The following SFMBT2 variants were observed in gnomAD, a reference collection of about 807,000 sequenced individuals.
SFMBT2 encodes scm-like with four MBT domains protein 2.
In SFMBT2, 38 loss-of-function variants were observed where a neutral mutation model predicts 110.1. The ratio of observed to expected loss-of-function variants is 0.35; its 90% CI spans 0.27 to 0.45. The LOEUF is 0.45. SFMBT2 is among the 20% of genes least tolerant of loss of function. SFMBT2 has a pLI of 1.00. For synonymous variants in SFMBT2, 425 were observed against 425.4 expected (o/e 1.00, Z 0.01); for missense variants, 1,011 against 1,094.9 (o/e 0.92, Z 1.08).
At chr10:7,200,634 G>A in intron 13 of SFMBT2, 150 bp from the exon 14 acceptor site, 1 of 558,346 alleles carries the variant, frequency 1.8e-6, no homozygotes. Flanking sequence ...AGCAATGCCA[G>A]TAAGACCAGA....
rs896370862 is a variant in SFMBT2, at chr10:7,170,218, G to C, written c.2544+710C>G. On this transcript the variant is annotated intron_variant, in intron 20 of 20. Coordinates refer to ENST00000397167, the MANE Select transcript of SFMBT2 (RefSeq NM_001387889.1). The surrounding 1 kb of genome is among the most constrained non-coding windows in gnomAD (Gnocchi z 4.6). ...GAGCTCTCTGGTTGTTGTGGTTGCT[G>C]TTTGTGTGTGAGCTTCATGCCCCTG... is the stretch of plus-strand genomic sequence containing the variant. Among the ~76,000 whole-genome samples, 2 of 152,242 alleles carry C rather than the reference G, an allele frequency of 1.3e-5. No homozygotes were observed. Among genetic ancestry groups the C allele is most frequent in the Non-Finnish European group, 2.9e-5 (2 of 68,046 alleles).
chr10:7,164,477 A>G, intron 20 of SFMBT2: 1 of 983,100 alleles, frequency 1.0e-6, no homozygotes, highest in Non-Finnish European at 1.2e-6. Context: ...CCTGGTGGGT[A>G]GAAAGAGCTG....
At chr10:7,300,733 T>C (rs1842534423) in intron 4 of SFMBT2, among the ~76,000 whole-genome samples, 1 of 152,236 alleles carries the variant, frequency 6.6e-6, no homozygotes. Flanking sequence ...TGAGCAGAAA[T>C]CTAATAAACA....
chr10:7,369,516 G>A (rs1052533955), intron 3 of SFMBT2, among the ~76,000 whole-genome samples: 1 of 152,146 alleles, frequency 6.6e-6, no homozygotes, highest in African/African-American at 2.4e-5. Flanking sequence ...TGCTGGACAT[G>A]CTATTTGCAT....
intron 2 of SFMBT2, among the ~76,000 whole-genome samples, chr10:7,371,182 G>A (rs1287606481): frequency 1.3e-5 from 2 of 152,098 alleles, no homozygotes; most frequent in Admixed American, 6.5e-5. Context: ...GGAGTGCAGT[G>A]GTGCAATCTC....
chr10:7,356,501 CGCCTCCCGGGTTCAAGCAACTCTCCT>C (rs1379736269), intron 4 of SFMBT2, among the ~76,000 whole-genome samples: 1 of 152,172 alleles, frequency 6.6e-6, no homozygotes, highest in Non-Finnish European at 1.5e-5. Context: ...CTGCAACCTC[CGCCTCCCGGGTTCAAGCAACTCTCCT>C]GCCTCAGCCT....
chr10:7,235,607 A>G (rs749946430), intron 9 of SFMBT2, among the ~76,000 whole-genome samples: 8 of 151,782 alleles, frequency 5.3e-5, no homozygotes, highest in Non-Finnish European at 8.8e-5. Flanking sequence ...TACACATCAC[A>G]TATTAGATAC....
rs551085087 is a variant in SFMBT2 at position 7,209,816 on chromosome 10, A to AT, written c.1331-3889_1331-3888insA. On this transcript the variant is annotated intron_variant, in intron 11 of 20. Transcript: ENST00000397167. Reference sequence around the variant, plus strand: ...ATCTGACCCAAGATAAACCTTTATGACTTTTTGGCCTTTGTGAATGAGTTA... The same window carrying AT: ...ATCTGACCCAAGATAAACCTTTATGATCTTTTTGGCCTTTGTGAATGAGTTA... 2.2e-4 allele frequency among the ~76,000 whole-genome samples: 34 copies of AT among 152,250 alleles called. No homozygotes were observed. The South Asian group carries it at 6.4e-3, about 29-fold the overall frequency.
chr10:7,199,334 G>A (rs982197393), intron 14 of SFMBT2, among the ~76,000 whole-genome samples: 1 of 152,114 alleles, frequency 6.6e-6, no homozygotes, highest in Non-Finnish European at 1.5e-5. Context: ...GGCTAAGGGA[G>A]TCACCGCCCC....
At chr10:7,387,477 C>T (rs1845641354) in intron 1 of SFMBT2, among the ~76,000 whole-genome samples, 1 of 152,124 alleles carries the variant, frequency 6.6e-6, no homozygotes, top group Non-Finnish European at 1.5e-5. Context: ...TAACCACCAC[C>T]AAGTCCACCA....
chr10:7,321,142 A>C (rs1843172818), intron 4 of SFMBT2, among the ~76,000 whole-genome samples: 1 of 151,786 alleles, frequency 6.6e-6, no homozygotes, highest in South Asian at 2.1e-4. Context: ...GAAAAGGTGG[A>C]TCTCTTCTTT....
intron 12 of SFMBT2, chr10:7,204,626 C>T: frequency 2.0e-6 from 1 of 509,462 alleles, no homozygotes; most frequent in Non-Finnish European, 2.5e-6. Context: ...GTAATTCCAG[C>T]ACTTTGGGAG....
At chr10:7,212,934 C>G (rs1399009235) in intron 11 of SFMBT2, among the ~76,000 whole-genome samples, 3 of 152,196 alleles carry the variant, frequency 2.0e-5, no homozygotes, top group Non-Finnish European at 2.9e-5. Context: ...TTTGCAGGGA[C>G]ATGGATGAAG....
At chr10:7,386,301 T>C (rs1242604881) in intron 1 of SFMBT2, among the ~76,000 whole-genome samples, 3 of 152,112 alleles carry the variant, frequency 2.0e-5, no homozygotes, top group South Asian at 2.1e-4. Flanking sequence ...AAGCTTATTA[T>C]GGTGGGGAAA....
intron 1 of SFMBT2, among the ~76,000 whole-genome samples, chr10:7,401,647 A>C (rs545692775): frequency 3.3e-5 from 5 of 152,164 alleles, no homozygotes; most frequent in Non-Finnish European, 5.9e-5. Context: ...CCACAGGGTG[A>C]TGGGCTCAGG....
In SFMBT2 at chr10:7,301,467, G is replaced by A. The variant is rs1270005701; in HGVS notation, c.437-15513C>T. On this transcript the variant is annotated intron_variant, in intron 4 of 20. Transcript: ENST00000397167. The surrounding 1 kb of genome is among the most constrained non-coding windows in gnomAD (Gnocchi z 4.2). ...AGGGACTAGAACAAAGTCCAGGCAC[G>A]GAGGCCCACAGGCCTGAAGGGGCCT... Among the ~76,000 whole-genome samples the A allele has an allele frequency of 1.3e-5, 2 of 152,200 alleles. No homozygotes were observed. The highest frequency in any genetic ancestry group is 1.9e-4 in the East Asian group (1 of 5,194).
chr10:7,373,111 G>C (rs898358068), intron 2 of SFMBT2, among the ~76,000 whole-genome samples: 1 of 152,240 alleles, frequency 6.6e-6, no homozygotes, highest in Admixed American at 6.5e-5. Context: ...TCTGGGTCAT[G>C]GGGGCAGATC....
At chr10:7,358,033 T>C (rs1440375351) in intron 4 of SFMBT2, among the ~76,000 whole-genome samples, 1 of 152,074 alleles carries the variant, frequency 6.6e-6, no homozygotes, top group Non-Finnish European at 1.5e-5. Context: ...AACATCTGCA[T>C]GGCCCAGTGA....
At chr10:7,212,123 T>C (rs1241639928) in intron 11 of SFMBT2, among the ~76,000 whole-genome samples, 1 of 152,134 alleles carries the variant, frequency 6.6e-6, no homozygotes, top group African/African-American at 2.4e-5. Flanking sequence ...CTGGGAGAAA[T>C]GTGCATTCTA....
Sources: allele counts gnomAD v4.1 joint callset (sites outside exome capture counted in the v4.1 genomes callset), GRCh38; gene constraint gnomAD v4.1.1; non-coding constraint Gnocchi (gnomAD v3.1); transcripts MANE v1.5; gene names NCBI Gene and HGNC (gene_info 2026-07-23, HGNC 2026-07-21).